Variants in TLL2 observed in about 807,000 individuals in gnomAD.
TLL2 encodes tolloid-like protein 2.
A neutral mutation model predicts 123.0 loss-of-function variants in TLL2; 106 were observed. That is an observed-to-expected ratio of 0.86 (90% confidence interval 0.74 to 1.01). The LOEUF is 1.01. TLL2 is among the 50% of genes least tolerant of loss of function. The pLI, the probability that TLL2 is intolerant of heterozygous loss-of-function variation, is 0.00. For synonymous variants in TLL2, 494 were observed against 516.8 expected (o/e 0.96, Z 0.60); for missense variants, 1,332 against 1,336.7 (o/e 1.00, Z 0.06).
chr10:96,480,869 A>G (rs1847306303), intron 1 of TLL2, among the ~76,000 whole-genome samples: 1 of 152,170 alleles, frequency 6.6e-6, no homozygotes, highest in South Asian at 2.1e-4. Context: ...TTCCCTGGGG[A>G]AAGATTATAG....
rs180676565 is a variant in TLL2, at chr10:96,365,104, G to C, written c.*2984C>G. The C allele has an allele frequency of 7.3e-5, 11 of 150,492 alleles. No individual in the cohort carries two copies. The highest frequency in any genetic ancestry group is 2.0e-4 in the Admixed American group (3 of 15,174). The allele number at this position is 150,492 out of a possible 1,614,324, so 9.3% of individuals were successfully genotyped here. On this transcript the variant is annotated 3_prime_UTR_variant, in exon 21 of 21. Coordinates refer to ENST00000357947, the MANE Select transcript of TLL2 (RefSeq NM_012465.4). ...ATAAAATACACTAACGATAGCTGAC[G>C]AGAAAAAAAAAAATCACAGAAAGAA... is the stretch of plus-strand genomic sequence containing the variant.
intron 1 of TLL2, among the ~76,000 whole-genome samples, chr10:96,484,865 A>G (rs1049305176): frequency 1.3e-5 from 2 of 152,200 alleles, no homozygotes; most frequent in African/African-American, 4.8e-5. Context: ...TGTTCTTGGC[A>G]CATAGTAGGC....
At chr10:96,406,031 T>G (rs900921311) in intron 9 of TLL2, among the ~76,000 whole-genome samples, 3 of 152,134 alleles carry the variant, frequency 2.0e-5, no homozygotes, top group African/African-American at 7.2e-5. Context: ...GGGATTGTCA[T>G]GAGGAGCATC....
intron 7 of TLL2, among the ~76,000 whole-genome samples, chr10:96,417,325 T>C (rs555751315): frequency 1.1e-4 from 16 of 152,146 alleles, no homozygotes; most frequent in Non-Finnish European, 1.9e-4. Flanking sequence ...AAAATCCAGG[T>C]AAAAAGTTGG....
Position 96,384,875 on chromosome 10 carries a change from G to A in TLL2, c.2014-108C>T, listed in dbSNP as rs1846218798. On this transcript the variant is annotated intron_variant, in intron 15 of 20. Coordinates refer to ENST00000357947, the MANE Select transcript of TLL2 (RefSeq NM_012465.4). ...AGCGCCTCACCCTACCGTGTGTGGCGGGGGAGGGTCCCTTGACTCTTGCTA... is the reference window on the plus strand; with the variant it reads ...AGCGCCTCACCCTACCGTGTGTGGCAGGGGAGGGTCCCTTGACTCTTGCTA... The A allele has an allele frequency of 9.6e-6, 11 of 1,141,256 alleles. No individual in the cohort carries two copies. The East Asian group carries it at 1.1e-4, about 12-fold the overall frequency. 70.7% of individuals were successfully genotyped at this position (1,141,256 alleles called of 1,614,324 possible). A position where few individuals can be genotyped will look rare whatever the true frequency, so the allele number is the denominator to read the frequency against.
At chr10:96,422,494 T>A (rs1373854396) in intron 6 of TLL2, 55 bp downstream of exon 6, 1 of 1,601,244 alleles carries the variant, frequency 6.2e-7, no homozygotes, top group Admixed American at 1.7e-5. Flanking sequence ...CTCCTGTCCC[T>A]GAGGTTGCCA....
At chr10:96,500,103 T>TAA (rs58735775) in intron 1 of TLL2, among the ~76,000 whole-genome samples, 53 of 75,376 alleles carry the variant, frequency 7.0e-4, no homozygotes, top group Admixed American at 3.1e-3. Context: ...CAACATGATT[T>TAA]AAAAAAAAAA....
At chr10:96,453,807 G>A (rs377650042) in intron 2 of TLL2, among the ~76,000 whole-genome samples, 10 of 152,066 alleles carry the variant, frequency 6.6e-5, no homozygotes, top group African/African-American at 1.4e-4. Context: ...AAAACATGCC[G>A]AAAAAATGCT....
At position 96,395,340 on chromosome 10, in the gene TLL2, G is replaced by A. The variant is rs779955250; in HGVS notation, c.1573C>T (p.Arg525Trp). ...DSCAYDYLEV[R>W]DGPTEESALI... is the part of the protein sequence containing the mutation. ...GCACTCTCTTCCGTGGGGCCATCCC[G>A]GACTTCCAGGTAGTCATATGCACAG... is the stretch of plus-strand genomic sequence containing the variant. The change falls in exon 13 of 21, where the codon CGG becomes TGG. Residue 525 changes from arginine (R) to tryptophan (W), a missense_variant. By Grantham distance (101) the Arg-to-Trp change is moderately radical. Coordinates refer to ENST00000357947, the MANE Select transcript of TLL2 (RefSeq NM_012465.4). The A allele has an allele frequency of 7.4e-6, 12 of 1,611,524 alleles. No individual in the cohort carries two copies. Among genetic ancestry groups the A allele is most frequent in the South Asian group, 1.1e-5 (1 of 90,440 alleles).
At chr10:96,446,288 G>T in intron 2 of TLL2, 120 bp from the exon 3 acceptor site, 2 of 906,012 alleles carry the variant, frequency 2.2e-6, no homozygotes, top group Non-Finnish European at 3.4e-6. Context: ...GGATTCGTAA[G>T]CTTCGTTCCA....
At position 96,368,988 on chromosome 10, in the gene TLL2, G is replaced by T. The variant is rs12266939; in HGVS notation, c.2914-766C>A. Among the ~76,000 whole-genome samples the T allele has an allele frequency of 8.1e-3, 1,240 of 152,350 alleles. 8 individuals carry two copies. The highest frequency in any genetic ancestry group is 0.027 in the African/African-American group (1,118 of 41,588). On this transcript the variant is annotated intron_variant, in intron 20 of 20. Coordinates refer to ENST00000357947, the MANE Select transcript of TLL2 (RefSeq NM_012465.4). Reference sequence around the variant, plus strand: ...ATTCTTCCTTTTTTAGAGGGTGAAAGAAGATGAAGGGAATTATTCAAAGAA... The same window carrying T: ...ATTCTTCCTTTTTTAGAGGGTGAAATAAGATGAAGGGAATTATTCAAAGAA...
At chr10:96,401,628 A>G (rs1846397539) in intron 10 of TLL2, among the ~76,000 whole-genome samples, 1 of 152,180 alleles carries the variant, frequency 6.6e-6, no homozygotes, top group Non-Finnish European at 1.5e-5. Flanking sequence ...AACAAATGGC[A>G]AAAGTCCCAA....
At chr10:96,450,793 G>A (rs1412047732) in intron 2 of TLL2, among the ~76,000 whole-genome samples, 2 of 152,154 alleles carry the variant, frequency 1.3e-5, no homozygotes, top group African/African-American at 2.4e-5. Context: ...GCTGGGAGGG[G>A]AGAGTTTTCA....
intron 2 of TLL2, among the ~76,000 whole-genome samples, chr10:96,470,819 TGAA>T (rs1847172239): frequency 6.6e-6 from 1 of 152,190 alleles, no homozygotes; most frequent in Non-Finnish European, 1.5e-5. Flanking sequence ...AACTGTTGTG[TGAA>T]GATTAAATAA....
chr10:96,511,071 C>G (rs1847625219), intron 1 of TLL2, among the ~76,000 whole-genome samples: 2 of 152,058 alleles, frequency 1.3e-5, no homozygotes, highest in South Asian at 4.2e-4. Flanking sequence ...GGAATGGAGA[C>G]CCACACCAAG....
chr10:96,500,339 CA>C (rs1847522509), intron 1 of TLL2, among the ~76,000 whole-genome samples: 1 of 151,382 alleles, frequency 6.6e-6, no homozygotes. Flanking sequence ...AAAAAACAAA[CA>C]AAAAAAACTT....
chr10:96,499,130 G>T (rs1173980043), intron 1 of TLL2, among the ~76,000 whole-genome samples: 1 of 152,204 alleles, frequency 6.6e-6, no homozygotes, highest in Non-Finnish European at 1.5e-5. Flanking sequence ...TAGAAGAGGG[G>T]ATTGCTCTTC....
In TLL2 at chr10:96,366,802, T is replaced by C. The variant is rs1279179864; in HGVS notation, c.*1286A>G. 1 of 152,656 alleles carries C rather than the reference T, an allele frequency of 6.6e-6. No homozygotes were observed. Among genetic ancestry groups the C allele is most frequent in the Non-Finnish European group, 1.5e-5 (1 of 68,040 alleles). 9.5% of individuals were successfully genotyped at this position (152,656 alleles called of 1,614,324 possible). A position where few individuals can be genotyped will look rare whatever the true frequency, so the allele number is the denominator to read the frequency against. Reference sequence around the variant, plus strand: ...TTAAAAATTATTCCAACATAAATACTCTTTTAAAGCTAACATACCACAGCT... The same window carrying C: ...TTAAAAATTATTCCAACATAAATACCCTTTTAAAGCTAACATACCACAGCT... On this transcript the variant is annotated 3_prime_UTR_variant, in exon 21 of 21. Transcript: ENST00000357947.
chr10:96,404,053 A>G (rs11188747), intron 10 of TLL2, among the ~76,000 whole-genome samples: 23,112 of 150,268 alleles, frequency 0.15, 2,130 homozygotes, highest in East Asian at 0.49. Flanking sequence ...CTCCTACTAC[A>G]TTCCTTTTTG....
Sources: allele counts gnomAD v4.1 joint callset (sites outside exome capture counted in the v4.1 genomes callset), GRCh38; gene constraint gnomAD v4.1.1; transcripts MANE v1.5; gene names NCBI Gene and HGNC (gene_info 2026-07-23, HGNC 2026-07-21).